The following TERF2 variants were observed in gnomAD, a reference collection of about 807,000 sequenced individuals.
TERF2 encodes the protein telomeric repeat binding factor 2, also known as telomeric repeat-binding factor 2.
TERF2 carries 16 observed loss-of-function variants against 56.1 expected under a neutral mutation model. The observed-to-expected ratio is 0.29, with a 90% CI of 0.19 to 0.43. The LOEUF is 0.43. Among genes scored for constraint, TERF2 ranks in the 20% least tolerant of loss-of-function variants. The pLI is 1.00. For synonymous variants in TERF2, 296 were observed against 282.1 expected, an observed-to-expected ratio of 1.05 and a Z score of -0.50; for missense variants, 547 against 712.9, an observed-to-expected ratio of 0.77 and a Z score of 2.65.
chr16:69,385,583 C>T lies in TERF2; in HGVS notation c.379+10G>A. ...GCGCTCCAACCCCCCTCCCCCGGCC[C>T]GGCCCTCACCCTGCATGATGTCCCG... is the stretch of plus-strand genomic sequence containing the variant. On this transcript the variant is annotated intron_variant, in intron 1 of 9. Transcript: ENST00000254942. 1 of 1,608,718 alleles carries T rather than the reference C, an allele frequency of 6.2e-7. No homozygotes were observed.
rs1352033745 is a variant in TERF2, at chr16:69,385,733, G to T, written c.239C>A (p.Pro80Gln). ...RGRHEPGLGGPAERGAGEARL... is the reference protein window; with the variant it reads ...RGRHEPGLGGQAERGAGEARL... ...TGCCTCCCCCGCGCCGCGCTCCGCC[G>T]GGCCCCCCAGCCCCGGCTCGTGGCG... Residue 80 changes from proline to glutamine, a missense_variant, in exon 1 of 10, where the codon CCG (proline) becomes CAG (glutamine). Transcript: ENST00000254942. 2 of 1,547,760 alleles carry T rather than the reference G, an allele frequency of 1.3e-6. No individual in the cohort carries two copies. Among genetic ancestry groups the T allele is most frequent in the Non-Finnish European group, 8.7e-7 (1 of 1,150,872 alleles).
chr16:69,370,802 CAGCCACAG>C (rs1272095092), intron 4 of TERF2, among the ~76,000 whole-genome samples, 173 bp from the exon 5 acceptor site: 3 of 152,130 alleles, frequency 2.0e-5, no homozygotes, highest in Non-Finnish European at 4.4e-5. Context: ...AAATCAGGTT[CAGCCACAG>C]TGGGTTACTA....
At position 69,385,924 on chromosome 16, in the gene TERF2, G is replaced by T. The variant is rs568502651; in HGVS notation, c.48C>A (p.Val16=). 9.4e-6 allele frequency: 13 copies of T among 1,381,928 alleles called. No individual in the cohort carries two copies. Among genetic ancestry groups the T allele is most frequent in the East Asian group, 9.3e-5 (3 of 32,372 alleles). The allele number at this position is 1,381,928 out of a possible 1,614,324, so 85.6% of individuals were successfully genotyped here. Residue 16 remains valine, a synonymous_variant, in exon 1 of 10, where the codon GTC becomes GTA. Transcript: ENST00000254942. The part of the protein sequence containing the change: ...GTAGPASGPG[V]VRDPAASQPR... ...GCTGTGACGCCGCTGGGTCACGCAC[G>T]ACGCCCGGGCCGGAAGCGGGGCCCG...
intron 3 of TERF2, among the ~76,000 whole-genome samples, chr16:69,384,101 T>G (rs1379548508): frequency 6.6e-6 from 1 of 152,222 alleles, no homozygotes; most frequent in Non-Finnish European, 1.5e-5. Flanking sequence ...ACTATTTTGC[T>G]AGCTGGCTCA....
In TERF2 at chr16:69,370,550, G is replaced by A; in HGVS notation, c.773C>T (p.Thr258Ile). Residue 258 changes from threonine (T) to isoleucine (I), a missense_variant, in exon 5 of 10, where the codon ACC becomes ATC. Coordinates refer to ENST00000254942, the MANE Select transcript of TERF2 (RefSeq NM_005652.5). ...HPVIQNFSYE[T>I]FQQKMLRFLE... ...GAAGCGCAGCATCTTCTGCTGGAAG[G>A]TCTCATATGAAAAGTTCTGGATAAC... 1 of 1,614,148 alleles carries A rather than the reference G, an allele frequency of 6.2e-7. No homozygotes were observed. The highest frequency in any genetic ancestry group is 8.5e-7 in the Non-Finnish European group (1 of 1,180,040).
At position 69,356,742 on chromosome 16, in the gene TERF2, G is replaced by T; in HGVS notation, c.*156C>A. On this transcript the variant is annotated 3_prime_UTR_variant, in exon 10 of 10. Coordinates refer to ENST00000254942, the MANE Select transcript of TERF2 (RefSeq NM_005652.5). Reference sequence around the variant, plus strand: ...GTGAGCCCGGGAGACGGAGGTCGCAGTGAGCCGAGATCACGCCACTGCACT... The same window carrying T: ...GTGAGCCCGGGAGACGGAGGTCGCATTGAGCCGAGATCACGCCACTGCACT... 2 of 789,218 alleles carry T rather than the reference G, an allele frequency of 2.5e-6. No individual in the cohort carries two copies. Among genetic ancestry groups the T allele is most frequent in the Non-Finnish European group, 3.7e-6 (2 of 539,280 alleles). The allele number at this position is 789,218 out of a possible 1,614,324, so 48.9% of individuals were successfully genotyped here. A position where few individuals can be genotyped will look rare whatever the true frequency, so the allele number is the denominator to read the frequency against.
At chr16:69,369,811 C>A (rs1204593071) in intron 5 of TERF2, among the ~76,000 whole-genome samples, 1 of 152,192 alleles carries the variant, frequency 6.6e-6, no homozygotes, top group Non-Finnish European at 1.5e-5. Context: ...CCACACCATG[C>A]CTTCTTCCTG....
rs1346660804 is a variant in TERF2 at position 69,385,493 on chromosome 16, G to GAGA, written c.380-10_380-8dup. ...AAGGGCCTGACAAGCAAAGCTGGGAGAGAAGACATCGTTGGCTGGGCGACC... is the reference window on the plus strand; with the variant it reads ...AAGGGCCTGACAAGCAAAGCTGGGAGAGAAGAAGACATCGTTGGCTGGGCGACC... On this transcript the variant is annotated splice_polypyrimidine_tract_variant and splice_region_variant and intron_variant, in intron 1 of 9. Coordinates refer to ENST00000254942, the MANE Select transcript of TERF2 (RefSeq NM_005652.5). 1 of 1,614,016 alleles carries GAGA rather than the reference G, an allele frequency of 6.2e-7. No individual in the cohort carries two copies. The highest frequency in any genetic ancestry group is 1.7e-5 in the Admixed American group (1 of 60,028).
chr16:69,357,183 T>C, intron 9 of TERF2, 127 bp from the exon 10 acceptor site: 3 of 1,153,468 alleles, frequency 2.6e-6, no homozygotes, highest in Non-Finnish European at 3.6e-6. Flanking sequence ...TCACAGCTTA[T>C]GTTTTTAAAC....
At chr16:69,381,962 TA>T (rs2014015700) in intron 3 of TERF2, among the ~76,000 whole-genome samples, 2 of 152,194 alleles carry the variant, frequency 1.3e-5, no homozygotes, top group African/African-American at 2.4e-5. Context: ...TTGGTAGTTT[TA>T]AAAAAAATTG....
rs1444308882 is a variant in TERF2, at chr16:69,356,162, A to G, written c.*736T>C. The G allele has an allele frequency of 2.2e-6, 1 of 453,842 alleles. No individual in the cohort carries two copies. Among genetic ancestry groups the G allele is most frequent in the South Asian group, 1.6e-5 (1 of 64,118 alleles). The allele number at this position is 453,842 out of a possible 1,614,324, so 28.1% of individuals were successfully genotyped here. ...CTAAGTTCCTTTGCATTTGCATCAG[A>G]AGGCCAGAACTTGACGTGGAACAAA... On this transcript the variant is annotated 3_prime_UTR_variant, in exon 10 of 10. Transcript: ENST00000254942.
At chr16:69,370,372 C>T (rs2013520666) in intron 5 of TERF2, 111 bp downstream of exon 5, 2 of 1,393,288 alleles carry the variant, frequency 1.4e-6, no homozygotes, top group Non-Finnish European at 2.0e-6. Context: ...AAAGCTAGTG[C>T]ATACAATTCA....
At chr16:69,372,495 G>A (rs2013613284) in intron 3 of TERF2, 140 bp from the exon 4 acceptor site, 3 of 536,904 alleles carry the variant, frequency 5.6e-6, no homozygotes, top group Non-Finnish European at 9.4e-6. Flanking sequence ...AGGCGCGGTG[G>A]CTCACGCCTG....
intron 3 of TERF2, among the ~76,000 whole-genome samples, chr16:69,376,852 C>G (rs981403928): frequency 8.4e-6 from 1 of 119,302 alleles, no homozygotes; most frequent in African/African-American, 3.6e-5. Flanking sequence ...AGAGCGAGAC[C>G]TTGTCACATT....
At chr16:69,371,182 A>G (rs2013559912) in intron 4 of TERF2, among the ~76,000 whole-genome samples, 1 of 152,114 alleles carries the variant, frequency 6.6e-6, no homozygotes, top group East Asian at 1.9e-4. Context: ...TACATGTATT[A>G]CCTTTTCAAA....
At chr16:69,366,762 G>A in intron 7 of TERF2, 45 bp downstream of exon 7, 2 of 1,561,510 alleles carry the variant, frequency 1.3e-6, no homozygotes, top group Non-Finnish European at 1.7e-6. Flanking sequence ...GCCCAACCAG[G>A]ACCACCAACC....
intron 1 of TERF2, 33 bp from the exon 2 acceptor site, chr16:69,385,519 C>T: frequency 1.2e-6 from 2 of 1,613,190 alleles, no homozygotes; most frequent in Non-Finnish European, 1.7e-6. Flanking sequence ...CTGGGCGACC[C>T]CCAGTCCCGA....
At chr16:69,377,286 C>T (rs1003071304) in intron 3 of TERF2, among the ~76,000 whole-genome samples, 1 of 151,880 alleles carries the variant, frequency 6.6e-6, no homozygotes, top group Admixed American at 6.6e-5. Flanking sequence ...TAAGTGGCAA[C>T]TTAATTTATG....
At chr16:69,376,372 G>A (rs1302584785) in intron 3 of TERF2, among the ~76,000 whole-genome samples, 1 of 152,106 alleles carries the variant, frequency 6.6e-6, no homozygotes, top group Non-Finnish European at 1.5e-5. Context: ...GTGTGGGTCT[G>A]TTTTTAGATG....
Sources: allele counts gnomAD v4.1 joint callset (sites outside exome capture counted in the v4.1 genomes callset), GRCh38; gene constraint gnomAD v4.1.1; transcripts MANE v1.5; gene names NCBI Gene and HGNC (gene_info 2026-07-23, HGNC 2026-07-21).